Variants in PPP4C observed in about 807,000 individuals in gnomAD.
PPP4C encodes protein phosphatase 4 catalytic subunit.
A neutral mutation model predicts 40.5 loss-of-function variants in PPP4C; 10 were observed. The ratio of observed to expected loss-of-function variants is 0.25; its 90% CI spans 0.15 to 0.42. The LOEUF (loss-of-function observed/expected upper bound fraction) is 0.42, where lower values mean the gene tolerates loss of function less well. PPP4C is among the 10% of genes least tolerant of loss of function. PPP4C has a pLI of 1.00. For synonymous variants in PPP4C, 187 were observed against 163.6 expected (o/e 1.14, Z -1.09); for missense variants, 191 against 416.4 (o/e 0.46, Z 4.71).
chr16:30,084,261 C>G (rs2072569416), intron 7 of PPP4C, among the ~76,000 whole-genome samples: 1 of 150,126 alleles, frequency 6.7e-6, no homozygotes, highest in South Asian at 2.1e-4. Context: ...CACGAGGCCT[C>G]TGCTCCATCA....
At chr16:30,082,931 C>G (rs780976734) in intron 5 of PPP4C, 84 bp downstream of exon 5, 1 of 1,172,598 alleles carries the variant, frequency 8.5e-7, no homozygotes, top group Non-Finnish European at 1.2e-6. Flanking sequence ...CATCTCCTAT[C>G]GTGACCAGCC....
At position 30,085,247 on chromosome 16, in the gene PPP4C, T is replaced by TC. The variant is rs1241899822; in HGVS notation, c.*186dup. ...AGACCTAGCTCCATGTTCCTCCTCC[T>TC]CTCTCCCCACTTGAACCATGAAGTT... On this transcript the variant is annotated 3_prime_UTR_variant, in exon 9 of 9. Transcript: ENST00000279387. 1 of 543,316 alleles carries TC rather than the reference T, an allele frequency of 1.8e-6. No individual in the cohort carries two copies. 33.7% of individuals were successfully genotyped at this position (543,316 alleles called of 1,614,324 possible).
At position 30,082,467 on chromosome 16, in the gene PPP4C, C is replaced by T. The variant is rs1307368836; in HGVS notation, c.151-17C>T. ...TCCCACTGCTTGAGTTCCAACCCCA[C>T]TCTTCCTGTTCCCCAGGTGTGCGGC... is the stretch of plus-strand genomic sequence containing the variant. On this transcript the variant is annotated splice_polypyrimidine_tract_variant and intron_variant, in intron 3 of 8. Coordinates refer to ENST00000279387, the MANE Select transcript of PPP4C (RefSeq NM_002720.3). 6.2e-7 allele frequency: 1 copy of T among 1,612,734 alleles called. No homozygotes were observed. Among genetic ancestry groups the T allele is most frequent in the Non-Finnish European group, 8.5e-7 (1 of 1,178,704 alleles).
intron 3 of PPP4C, 116 bp from the exon 4 acceptor site, chr16:30,082,368 A>G: frequency 8.8e-7 from 1 of 1,134,192 alleles, no homozygotes; most frequent in Middle Eastern, 2.2e-4. Context: ...TTTTGGTCCT[A>G]GGAAGTAGAA....
At chr16:30,081,159 C>T (rs776339405) in intron 2 of PPP4C, 100 bp from the exon 3 acceptor site, 29 of 1,543,116 alleles carry the variant, frequency 1.9e-5, no homozygotes, top group Non-Finnish European at 2.6e-5. Flanking sequence ...CCCCCTGGAG[C>T]TTCCAGGACT....
Position 30,076,483 on chromosome 16 carries a change from C to A in PPP4C, c.98+8C>A, listed in dbSNP as rs1450876014. 3 of 1,604,728 alleles carry A rather than the reference C, an allele frequency of 1.9e-6. 1 individual carries two copies. The highest frequency in any genetic ancestry group is 3.4e-5 in the Admixed American group (2 of 58,876). On this transcript the variant is annotated splice_region_variant and intron_variant, in intron 2 of 8. Coordinates refer to ENST00000279387, the MANE Select transcript of PPP4C (RefSeq NM_002720.3). ...CCTGTGCGCTAAGGCCAGGTGAGCTCGTTGGCCCTGGGGAAGGGAGGCCAA... is the reference window on the plus strand; with the variant it reads ...CCTGTGCGCTAAGGCCAGGTGAGCTAGTTGGCCCTGGGGAAGGGAGGCCAA...
intron 3 of PPP4C, 60 bp downstream of exon 3, chr16:30,081,370 C>T (rs751418944): frequency 6.9e-6 from 10 of 1,456,906 alleles, no homozygotes; most frequent in Non-Finnish European, 9.6e-6. Flanking sequence ...GAAGTTTCCT[C>T]TTCATCTTGG....
chr16:30,083,880 C>T lies in PPP4C; in HGVS notation c.604+99C>T. The T allele has an allele frequency of 6.5e-7, 1 of 1,536,146 alleles. No individual in the cohort carries two copies. The highest frequency in any genetic ancestry group is 1.4e-5 in the African/African-American group (1 of 73,866). ...TCACTGTCACTCGTCCTCCACCTGC[C>T]AAATGGCTGGAACCCTGGAGGAGGA... On this transcript the variant is annotated intron_variant, in intron 7 of 8. Transcript: ENST00000279387. This position sits in a 1 kb window ranked among gnomAD's most constrained non-coding sequence, Gnocchi z 6.3.
At chr16:30,082,639 G>C in intron 4 of PPP4C, 105 bp downstream of exon 4, 4 of 1,539,952 alleles carry the variant, frequency 2.6e-6, no homozygotes, top group Non-Finnish European at 3.6e-6. Flanking sequence ...GGGGCAAGGG[G>C]CCCCAAGTTA....
At chr16:30,076,568 G>T in intron 2 of PPP4C, 93 bp downstream of exon 2, 1 of 1,297,564 alleles carries the variant, frequency 7.7e-7, no homozygotes, top group Non-Finnish European at 1.1e-6. Context: ...GGCTTGCCTC[G>T]TTCTGGAAGC....
Position 30,083,329 on chromosome 16 carries a change from A to G in PPP4C, c.304-65A>G. ...GGATGGCAGGCTGGCGGGCACGAGG[A>G]GGTCAGAGAGGGATGTGTGGAGAGA... is the stretch of plus-strand genomic sequence containing the variant. On this transcript the variant is annotated intron_variant, in intron 5 of 8. Coordinates refer to ENST00000279387, the MANE Select transcript of PPP4C (RefSeq NM_002720.3). The surrounding 1 kb of genome is among the most constrained non-coding windows in gnomAD (Gnocchi z 6.3). The G allele has an allele frequency of 6.5e-7, 1 of 1,534,824 alleles. No homozygotes were observed. The highest frequency in any genetic ancestry group is 1.2e-5 in the South Asian group (1 of 84,646).
chr16:30,084,769 T>C lies in PPP4C; in HGVS notation c.708T>C (p.Arg236=), dbSNP rs1386724083. 1 of 1,614,254 alleles carries C rather than the reference T, an allele frequency of 6.2e-7. No individual in the cohort carries two copies. Among genetic ancestry groups the C allele is most frequent in the Admixed American group, 1.7e-5 (1 of 60,026 alleles). The change falls in exon 8 of 9, where the codon CGT becomes CGC. Residue 236 remains arginine (R), a synonymous_variant. Coordinates refer to ENST00000279387, the MANE Select transcript of PPP4C (RefSeq NM_002720.3). The part of the protein sequence containing the change: ...NAANDIDMIC[R]AHQLVMEGYK... Reference sequence around the variant, plus strand: ...CCAATGACATTGACATGATCTGCCGTGCCCACCAACTGGTGATGGAAGGTT... The same window carrying C: ...CCAATGACATTGACATGATCTGCCGCGCCCACCAACTGGTGATGGAAGGTT...
At chr16:30,079,379 G>A (rs952090729) in intron 2 of PPP4C, among the ~76,000 whole-genome samples, 2 of 151,926 alleles carry the variant, frequency 1.3e-5, no homozygotes, top group African/African-American at 2.4e-5. Context: ...TACTAGAGAC[G>A]GGGTTTCACC....
Position 30,082,544 on chromosome 16 carries a change from T to TG in PPP4C, c.201+12dup, listed in dbSNP as rs1168314235. On this transcript the variant is annotated intron_variant, in intron 4 of 8. Coordinates refer to ENST00000279387, the MANE Select transcript of PPP4C (RefSeq NM_002720.3). Reference sequence around the variant, plus strand: ...CAAAGAGCTGTTCAGAGTAAGAGTGTGGCCAACACTGTGAAATGTAACGGG... The same window carrying TG: ...CAAAGAGCTGTTCAGAGTAAGAGTGTGGGCCAACACTGTGAAATGTAACGGG... 1 of 1,610,294 alleles carries TG rather than the reference T, an allele frequency of 6.2e-7. No individual in the cohort carries two copies.
intron 2 of PPP4C, among the ~76,000 whole-genome samples, chr16:30,080,152 C>G (rs2072476366): frequency 6.6e-6 from 1 of 151,824 alleles, no homozygotes; most frequent in Admixed American, 6.6e-5. Context: ...CGAGACCAGC[C>G]TGGGCAACAT....
At chr16:30,077,371 C>A (rs1214806963) in intron 2 of PPP4C, among the ~76,000 whole-genome samples, 1 of 152,094 alleles carries the variant, frequency 6.6e-6, no homozygotes, top group Non-Finnish European at 1.5e-5. Context: ...TATTCTATTT[C>A]TTTTGGAAGA....
intron 7 of PPP4C, among the ~76,000 whole-genome samples, chr16:30,084,284 T>G (rs1304594924): frequency 6.6e-6 from 1 of 151,998 alleles, no homozygotes; most frequent in African/African-American, 2.4e-5. Context: ...GCCACACACA[T>G]ACAGACACAC....
intron 2 of PPP4C, 42 bp from the exon 3 acceptor site, chr16:30,081,217 G>C (rs754324333): frequency 6.2e-7 from 1 of 1,612,458 alleles, no homozygotes; most frequent in East Asian, 2.2e-5. Flanking sequence ...ATTGGGCTGG[G>C]CTGGCCTGGC....
chr16:30,084,701 G>A lies in PPP4C; in HGVS notation c.640G>A (p.Gly214Ser), dbSNP rs541225496. The A allele has an allele frequency of 1.9e-6, 3 of 1,614,208 alleles. No individual in the cohort carries two copies. The highest frequency in any genetic ancestry group is 1.3e-5 in the African/African-American group (1 of 75,046). ...TGWGVSPRGAGYLFGSDVVAQ... is the reference protein window; with the variant it reads ...TGWGVSPRGASYLFGSDVVAQ... ...CTGGGGCGTGAGCCCCCGAGGAGCCGGCTACCTATTTGGCAGTGACGTGGT... is the reference window on the plus strand; with the variant it reads ...CTGGGGCGTGAGCCCCCGAGGAGCCAGCTACCTATTTGGCAGTGACGTGGT... The change falls in exon 8 of 9, where the codon GGC (glycine) becomes AGC (serine). Residue 214 changes from glycine to serine, a missense_variant. By Grantham distance (56) the Gly-to-Ser change is moderately conservative (BLOSUM62 0). This residue lies in a region of PPP4C where 171 missense variants were observed against 352.4 expected (regional missense o/e 0.49). Coordinates refer to ENST00000279387, the MANE Select transcript of PPP4C (RefSeq NM_002720.3).
Sources: gnomAD v4.1 joint callset for allele counts (sites outside exome capture counted in the v4.1 genomes callset) on GRCh38, gnomAD v4.1.1 for gene constraint, gnomAD v4.1.1 regional missense constraint, Gnocchi (gnomAD v3.1) non-coding constraint, MANE v1.5 for transcripts, NCBI Gene and HGNC (gene_info 2026-07-23, HGNC 2026-07-21) for gene names.